The following FKTN variants were observed in gnomAD, a reference collection of about 807,000 sequenced individuals.
FKTN encodes the protein ribitol-5-phosphate transferase FKTN.
A neutral mutation model predicts 58.6 loss-of-function variants in FKTN; 47 were observed. The ratio of observed to expected loss-of-function variants is 0.80; its 90% CI spans 0.63 to 1.02. FKTN has a LOEUF of 1.02. FKTN is among the 50% of genes least tolerant of loss of function. FKTN has a pLI of 0.00. For synonymous variants in FKTN, 178 were observed against 191.9 expected, an observed-to-expected ratio of 0.93 and a Z score of 0.60; for missense variants, 516 against 537.3, an observed-to-expected ratio of 0.96 and a Z score of 0.39.
intron 3 of FKTN, among the ~76,000 whole-genome samples, chr9:105,582,707 T>G (rs1365861056): frequency 6.6e-6 from 1 of 151,230 alleles, no homozygotes; most frequent in East Asian, 1.9e-4. Context: ...CTTTCCTCAT[T>G]ATTTTCTTAG....
At chr9:105,630,899 C>T (rs191790448) in intron 10 of FKTN, among the ~76,000 whole-genome samples, 36 of 152,054 alleles carry the variant, frequency 2.4e-4, no homozygotes, top group Middle Eastern at 3.4e-3. Flanking sequence ...TTAGGGAGGC[C>T]GAGGCAGGTG....
Position 105,604,334 on chromosome 9 carries a change from C to G in FKTN, c.489C>G (p.Ile163Met), listed in dbSNP as rs980208971. The change falls in exon 6 of 11, where the codon ATC becomes ATG. Residue 163 changes from isoleucine (I) to methionine (M), a missense_variant. By Grantham distance (10) the Ile-to-Met change is conservative. Coordinates refer to ENST00000357998, the MANE Select transcript of FKTN (RefSeq NM_001079802.2). Reference sequence around the variant, plus strand: ...GAACTGAAATCCCCCTGCACTATATCTGCAAACTGGCCACTCATGCGATCC... The same window carrying G: ...GAACTGAAATCCCCCTGCACTATATGTGCAAACTGGCCACTCATGCGATCC... ...LSGTEIPLHY[I>M]CKLATHAIHL... 4 of 1,614,040 alleles carry G rather than the reference C, an allele frequency of 2.5e-6. No homozygotes were observed. Among genetic ancestry groups the G allele is most frequent in the African/African-American group, 1.3e-5 (1 of 74,930 alleles).
chr9:105,565,813 T>C (rs559922009), intron 1 of FKTN, among the ~76,000 whole-genome samples: 98 of 152,232 alleles, frequency 6.4e-4, no homozygotes, highest in Middle Eastern at 3.4e-3. Context: ...TAGACATCTA[T>C]AGAACTCTCC....
At chr9:105,559,195 G>A (rs924312609) in intron 1 of FKTN, among the ~76,000 whole-genome samples, 8 of 152,284 alleles carry the variant, frequency 5.3e-5, no homozygotes, top group East Asian at 3.9e-4. Flanking sequence ...GATTTAGATC[G>A]TAGAGTGCTG....
At chr9:105,584,398 C>T (rs1330372098) in intron 3 of FKTN, among the ~76,000 whole-genome samples, 2 of 151,486 alleles carry the variant, frequency 1.3e-5, no homozygotes, top group Non-Finnish European at 2.9e-5. Flanking sequence ...TTCAGGTAAC[C>T]TTTATATACC....
intron 3 of FKTN, among the ~76,000 whole-genome samples, chr9:105,581,760 C>T (rs945443206): frequency 1.3e-5 from 2 of 152,204 alleles, no homozygotes; most frequent in Non-Finnish European, 2.9e-5. Flanking sequence ...GCGCCCCTCC[C>T]CCAGCCTCGC....
intron 3 of FKTN, among the ~76,000 whole-genome samples, chr9:105,590,492 G>T (rs2132445682): frequency 6.6e-6 from 1 of 152,306 alleles, no homozygotes; most frequent in South Asian, 2.1e-4. Context: ...TTACACAAGA[G>T]ATGATAATGA....
At chr9:105,603,955 A>G (rs545068916) in intron 5 of FKTN, 1 of 469,596 alleles carries the variant, frequency 2.1e-6, no homozygotes, top group East Asian at 4.2e-5. Flanking sequence ...GGGGTGAGCT[A>G]TGGTGCCCAA....
Position 105,639,782 on chromosome 9 carries a change from T to C in FKTN, c.*4518T>C. 9.0e-7 allele frequency: 1 copy of C among 1,115,660 alleles called. No homozygotes were observed. Among genetic ancestry groups the C allele is most frequent in the Non-Finnish European group, 1.1e-6 (1 of 913,652 alleles). The allele number at this position is 1,115,660 out of a possible 1,614,324, so 69.1% of individuals were successfully genotyped here. On this transcript the variant is annotated 3_prime_UTR_variant, in exon 11 of 11. Transcript: ENST00000357998. ...GAACTTGTATTTTCATTTTCTTGGT[T>C]AAGCAGTTGTCTCCTAATATTATCC...
intron 3 of FKTN, among the ~76,000 whole-genome samples, chr9:105,585,513 T>C (rs1218463041): frequency 6.6e-6 from 1 of 152,250 alleles, no homozygotes; most frequent in African/African-American, 2.4e-5. Context: ...TTTAAATTTA[T>C]TTCAGTGTCA....
rs150248826 is a variant in FKTN at position 105,608,102 on chromosome 9, T to G, written c.780+151T>G. 7.3e-4 allele frequency: 496 copies of G among 674,848 alleles called. 1 individual carries two copies. The African/African-American group carries it at 8.3e-3, about 11-fold the overall frequency. The allele number at this position is 674,848 out of a possible 1,614,324, so 41.8% of individuals were successfully genotyped here. A position where few individuals can be genotyped will look rare whatever the true frequency, so the allele number is the denominator to read the frequency against. Reference sequence around the variant, plus strand: ...CTCTTTTCTTCTAGATTGTTTTCTTTCAGTTTTTTTTAGAAGTAGATTAAA... The same window carrying G: ...CTCTTTTCTTCTAGATTGTTTTCTTGCAGTTTTTTTTAGAAGTAGATTAAA... On this transcript the variant is annotated intron_variant, in intron 7 of 10. Transcript: ENST00000357998.
At chr9:105,582,396 G>A (rs768229584) in intron 3 of FKTN, among the ~76,000 whole-genome samples, 1 of 152,132 alleles carries the variant, frequency 6.6e-6, no homozygotes, top group Non-Finnish European at 1.5e-5. Flanking sequence ...GGGTCTCGCT[G>A]TGTTGCCCAG....
At position 105,635,143 on chromosome 9, in the gene FKTN, A is replaced by T; in HGVS notation, c.1265A>T (p.Asn422Ile). The T allele has an allele frequency of 6.2e-7, 1 of 1,614,082 alleles. No individual in the cohort carries two copies. Among genetic ancestry groups the T allele is most frequent in the South Asian group, 1.1e-5 (1 of 91,080 alleles). ...GAAACCCTCGAATACATTGAAGCCA[A>T]CTATGGTAAGACCTGGAAGATTCCT... Reference protein sequence around the residue: ...PCETLEYIEANYGKTWKIPVK... With the variant: ...PCETLEYIEAIYGKTWKIPVK... The change falls in exon 11 of 11, where the codon AAC (asparagine) becomes ATC (isoleucine). Residue 422 changes from asparagine to isoleucine, a missense_variant. Physicochemically the swap from Asn to Ile is moderately radical, Grantham distance 149 (BLOSUM62 -3). Coordinates refer to ENST00000357998, the MANE Select transcript of FKTN (RefSeq NM_001079802.2).
chr9:105,590,943 C>T (rs1844759272), intron 3 of FKTN, among the ~76,000 whole-genome samples: 1 of 152,098 alleles, frequency 6.6e-6, no homozygotes, highest in Admixed American at 6.6e-5. Flanking sequence ...CTCACATGGC[C>T]AGAGCAGGAG....
chr9:105,620,202 A>G (rs1006587600), intron 10 of FKTN, 141 bp downstream of exon 10: 37 of 682,830 alleles, frequency 5.4e-5, no homozygotes, highest in Non-Finnish European at 9.0e-5. Context: ...GCTTACCCAT[A>G]GAGTCCAGTT....
intron 3 of FKTN, among the ~76,000 whole-genome samples, chr9:105,580,750 C>T (rs1159984466): frequency 3.3e-5 from 1 of 30,118 alleles, no homozygotes; most frequent in Non-Finnish European, 6.1e-5. Flanking sequence ...TGGATAATAT[C>T]CTGCAGAGTG....
intron 4 of FKTN, among the ~76,000 whole-genome samples, chr9:105,600,139 G>T (rs796961596): frequency 1.3e-5 from 2 of 152,086 alleles, no homozygotes; most frequent in East Asian, 3.9e-4. Context: ...TCACACTGAG[G>T]TAATAAACCC....
intron 1 of FKTN, among the ~76,000 whole-genome samples, chr9:105,567,690 C>T (rs940237741): frequency 2.0e-5 from 3 of 152,154 alleles, no homozygotes; most frequent in Non-Finnish European, 4.4e-5. Context: ...TAGGAAGAAT[C>T]GATATCTTGA....
intron 3 of FKTN, among the ~76,000 whole-genome samples, chr9:105,578,804 CT>C (rs1443414934): frequency 2.0e-5 from 3 of 151,392 alleles, no homozygotes; most frequent in Non-Finnish European, 4.4e-5. Context: ...TGGTCCTGGA[CT>C]TTTTTTGGTT....
Sources: allele counts gnomAD v4.1 joint callset (sites outside exome capture counted in the v4.1 genomes callset), GRCh38; gene constraint gnomAD v4.1.1; transcripts MANE v1.5; gene names NCBI Gene and HGNC (gene_info 2026-07-23, HGNC 2026-07-21).